EHMT1: variants seen among roughly 807,000 people sequenced by gnomAD.
The protein encoded by EHMT1 is histone-lysine N-methyltransferase EHMT1.
EHMT1 carries 15 observed loss-of-function variants against 147.2 expected under a neutral mutation model. The observed-to-expected ratio is 0.10, with a 90% CI of 0.07 to 0.16. EHMT1 has a LOEUF of 0.16. Among genes scored for constraint, EHMT1 ranks in the 10% least tolerant of loss-of-function variants. The probability of loss-of-function intolerance (pLI) is 1.00; values close to 1 mark genes in which losing one functional copy is unlikely to be tolerated. For synonymous variants in EHMT1, 795 were observed against 709.6 expected (o/e 1.12, Z -1.91); for missense variants, 1,587 against 1,772.4 (o/e 0.90, Z 1.88).
chr9:137,748,857 T>G (rs186867926), intron 6 of EHMT1, among the ~76,000 whole-genome samples: 1 of 152,156 alleles, frequency 6.6e-6, no homozygotes, highest in African/African-American at 2.4e-5. Flanking sequence ...TGTTGTGTAG[T>G]CGACATGATT....
chr9:137,700,466 T>G (rs889549134), intron 1 of EHMT1, among the ~76,000 whole-genome samples: 1 of 152,204 alleles, frequency 6.6e-6, no homozygotes, highest in African/African-American at 2.4e-5. Flanking sequence ...AGACAATATA[T>G]TAAAGTGGGC....
intron 1 of EHMT1, among the ~76,000 whole-genome samples, chr9:137,621,265 G>T (rs1338549241): frequency 6.6e-6 from 1 of 152,202 alleles, no homozygotes; most frequent in Non-Finnish European, 1.5e-5. Flanking sequence ...GATCACTGTT[G>T]TCACTAAACC....
At chr9:137,823,244 G>A (rs1343040877) in intron 25 of EHMT1, among the ~76,000 whole-genome samples, 2 of 151,318 alleles carry the variant, frequency 1.3e-5, no homozygotes, top group Non-Finnish European at 2.9e-5. Flanking sequence ...GACTACAGGC[G>A]CCCACCACCA....
At chr9:137,806,675 C>A (rs745402297) in intron 18 of EHMT1, among the ~76,000 whole-genome samples, 1 of 152,170 alleles carries the variant, frequency 6.6e-6, no homozygotes, top group Admixed American at 6.5e-5. Context: ...CCTCATGATC[C>A]GCCCGCCTCG....
chr9:137,807,939 C>T (rs950783697), intron 18 of EHMT1, among the ~76,000 whole-genome samples: 2 of 152,268 alleles, frequency 1.3e-5, no homozygotes, highest in East Asian at 1.9e-4. Context: ...AACCTGTAGC[C>T]GATGCCAGGA....
At chr9:137,725,080 A>C (rs912034677) in intron 3 of EHMT1, among the ~76,000 whole-genome samples, 8 of 106,366 alleles carry the variant, frequency 7.5e-5, no homozygotes, top group African/African-American at 2.9e-4. Flanking sequence ...TGTGGCATTC[A>C]TGGGCAGGCG....
intron 1 of EHMT1, among the ~76,000 whole-genome samples, chr9:137,670,974 C>T (rs1447397070): frequency 1.3e-5 from 2 of 152,186 alleles, no homozygotes; most frequent in South Asian, 2.1e-4. Context: ...GCTTTGTCAT[C>T]GTCCACTGTT....
In EHMT1 at chr9:137,732,219, G is replaced by A. The variant is rs568685378; in HGVS notation, c.823+3690G>A. On this transcript the variant is annotated intron_variant, in intron 4 of 26. Transcript: ENST00000460843. This position sits in a 1 kb window ranked among gnomAD's most constrained non-coding sequence, Gnocchi z 4.6. ...TACAGTGTTACAGCTCTGGCTTGAGGAATCCCAAGGTTTGGGTCCCCAGAA... is the reference window on the plus strand; with the variant it reads ...TACAGTGTTACAGCTCTGGCTTGAGAAATCCCAAGGTTTGGGTCCCCAGAA... 4.6e-5 allele frequency among the ~76,000 whole-genome samples: 7 copies of A among 152,344 alleles called. No individual in the cohort carries two copies. Among genetic ancestry groups the A allele is most frequent in the African/African-American group, 1.7e-4 (7 of 41,586 alleles).
intron 2 of EHMT1, among the ~76,000 whole-genome samples, chr9:137,712,803 C>G (rs777447660): frequency 6.6e-6 from 1 of 151,942 alleles, no homozygotes; most frequent in East Asian, 1.9e-4. Context: ...TTTTTTTCCT[C>G]CTTTTAGTTG....
intron 24 of EHMT1, 66 bp downstream of exon 24, chr9:137,817,591 G>A (rs1955023225): frequency 1.3e-6 from 2 of 1,599,356 alleles, no homozygotes; most frequent in Non-Finnish European, 1.7e-6. Flanking sequence ...ATCTGTGTCT[G>A]TACTTCAGGA....
intron 1 of EHMT1, among the ~76,000 whole-genome samples, chr9:137,628,939 A>G (rs1438609221): frequency 6.6e-6 from 1 of 151,430 alleles, no homozygotes; most frequent in Non-Finnish European, 1.5e-5. Context: ...TATAAGAATC[A>G]TGTTTTGGAT....
chr9:137,778,839 A>G (rs1951160932), intron 13 of EHMT1, among the ~76,000 whole-genome samples: 1 of 152,254 alleles, frequency 6.6e-6, no homozygotes, highest in Non-Finnish European at 1.5e-5. Flanking sequence ...CAGACTGTAC[A>G]GGAAGCATGG....
At chr9:137,724,327 C>A (rs542567356) in intron 3 of EHMT1, among the ~76,000 whole-genome samples, 3 of 152,188 alleles carry the variant, frequency 2.0e-5, no homozygotes, top group African/African-American at 7.2e-5. Context: ...CTCCCGCCCC[C>A]ACAGGAGGGA....
intron 24 of EHMT1, 170 bp from the exon 25 acceptor site, chr9:137,817,890 C>A: frequency 1.4e-6 from 1 of 699,966 alleles, no homozygotes; most frequent in Admixed American, 2.2e-5. Flanking sequence ...TCCTCCGGAC[C>A]CTCAGCTGAA....
intron 1 of EHMT1, chr9:137,646,354 A>C: frequency 2.0e-6 from 2 of 985,536 alleles, no homozygotes; most frequent in Non-Finnish European, 2.4e-6. Context: ...GGCCTGAGGA[A>C]CATTTCAAGT....
chr9:137,826,441 A>T (rs1588910595), intron 25 of EHMT1, among the ~76,000 whole-genome samples: 1 of 152,234 alleles, frequency 6.6e-6, no homozygotes, highest in Middle Eastern at 3.2e-3. Context: ...CTGTCACCCC[A>T]GCTGACTTTA....
intron 1 of EHMT1, among the ~76,000 whole-genome samples, chr9:137,657,509 T>C (rs571334955): frequency 1.3e-5 from 2 of 151,486 alleles, no homozygotes; most frequent in African/African-American, 4.8e-5. Context: ...TTTTTTTTTT[T>C]TTTAATAAAA....
chr9:137,702,005 G>C (rs1943877393), intron 1 of EHMT1, among the ~76,000 whole-genome samples: 1 of 151,952 alleles, frequency 6.6e-6, no homozygotes, highest in Non-Finnish European at 1.5e-5. Flanking sequence ...TGTTGGCCAG[G>C]CTCGTCTCGA....
In EHMT1 at chr9:137,716,788, A is replaced by G. The variant is rs770735510; in HGVS notation, c.248A>G (p.Asp83Gly). Reference protein sequence around the residue: ...TQDSARVNPQDGTNTLTRIAE... With the variant: ...TQDSARVNPQGGTNTLTRIAE... ...GACAGCGCAAGGGTCAACCCCCAGG[A>G]TGGCACCAACACACTAACTCGGATA... Residue 83 changes from aspartate (D) to glycine (G), a missense_variant, in exon 3 of 27, where the codon GAT becomes GGT. By Grantham distance (94) the Asp-to-Gly change is moderately conservative (BLOSUM62 -1). Transcript: ENST00000460843. 1.2e-6 allele frequency: 2 copies of G among 1,613,280 alleles called. No individual in the cohort carries two copies. The highest frequency in any genetic ancestry group is 1.7e-4 in the Middle Eastern group (1 of 6,058).
Sources: gnomAD v4.1 joint callset for allele counts (sites outside exome capture counted in the v4.1 genomes callset) on GRCh38, gnomAD v4.1.1 for gene constraint, Gnocchi (gnomAD v3.1) non-coding constraint, MANE v1.5 for transcripts, NCBI Gene and HGNC (gene_info 2026-07-23, HGNC 2026-07-21) for gene names.